Variants in CCSER1 observed in about 807,000 individuals in gnomAD.
CCSER1 encodes the protein coiled-coil serine rich protein 1.
Under a neutral mutation model 82.0 loss-of-function variants are expected in CCSER1, and 41 were observed. That is an observed-to-expected ratio of 0.50 (90% CI 0.39 to 0.65). CCSER1 has a LOEUF of 0.65. Ranked by LOEUF, CCSER1 falls within the 30% of genes least tolerant of loss-of-function variation. The pLI, the probability that CCSER1 is intolerant of heterozygous loss-of-function variation, is 0.00. For missense variants in CCSER1, 1,119 were observed against 1,064.2 expected, an observed-to-expected ratio of 1.05 and a Z score of -0.72; for synonymous variants, 414 against 383.9, an observed-to-expected ratio of 1.08 and a Z score of -0.92.
intron 5 of CCSER1, among the ~76,000 whole-genome samples, chr4:90,539,320 A>G (rs1030406743): frequency 3.3e-5 from 5 of 152,084 alleles, no homozygotes; most frequent in Non-Finnish European, 5.9e-5. Flanking sequence ...GTCCTAAGGA[A>G]GACAGGGATT....
At chr4:90,720,239 T>C (rs1412021412) in intron 6 of CCSER1, among the ~76,000 whole-genome samples, 1 of 151,922 alleles carries the variant, frequency 6.6e-6, no homozygotes, top group Non-Finnish European at 1.5e-5. Flanking sequence ...CTTGTCCCAT[T>C]CTGGACTTGG....
chr4:90,554,575 C>G (rs1777895828), intron 5 of CCSER1, among the ~76,000 whole-genome samples: 1 of 152,102 alleles, frequency 6.6e-6, no homozygotes, highest in African/African-American at 2.4e-5. Context: ...AAGGACAGCT[C>G]ATATATGAGA....
chr4:91,113,473 A>C (rs893291149), intron 10 of CCSER1, among the ~76,000 whole-genome samples: 2 of 152,240 alleles, frequency 1.3e-5, no homozygotes, highest in Non-Finnish European at 2.9e-5. Flanking sequence ...TTAGTAGGTC[A>C]TACAGCTAGT....
At chr4:91,031,346 C>T (rs899057652) in intron 9 of CCSER1, among the ~76,000 whole-genome samples, 1 of 152,050 alleles carries the variant, frequency 6.6e-6, no homozygotes, top group Non-Finnish European at 1.5e-5. Flanking sequence ...TGCTTTACTC[C>T]TAAATAGTAC....
chr4:90,239,816 T>G (rs999844459), intron 1 of CCSER1, among the ~76,000 whole-genome samples: 6 of 152,186 alleles, frequency 3.9e-5, no homozygotes, highest in Non-Finnish European at 8.8e-5. Context: ...AGCTTGTAAT[T>G]ATTTCCAAAT....
At chr4:90,557,912 A>G (rs1282482719) in intron 5 of CCSER1, among the ~76,000 whole-genome samples, 2 of 152,180 alleles carry the variant, frequency 1.3e-5, no homozygotes, top group East Asian at 3.8e-4. Context: ...GTTTTTAAAA[A>G]GTAGATGTTG....
intron 3 of CCSER1, among the ~76,000 whole-genome samples, chr4:90,319,384 G>A (rs1427314407): frequency 6.6e-6 from 1 of 152,132 alleles, no homozygotes; most frequent in Non-Finnish European, 1.5e-5. Context: ...GGGTGCAGTG[G>A]CTCAAATCTG....
At chr4:90,732,944 G>C (rs1328285054) in intron 7 of CCSER1, among the ~76,000 whole-genome samples, 2 of 152,062 alleles carry the variant, frequency 1.3e-5, no homozygotes, top group Non-Finnish European at 2.9e-5. Context: ...ATAGTCACTT[G>C]GATTATTTGC....
chr4:90,166,404 T>TA (rs1730459314), intron 1 of CCSER1, among the ~76,000 whole-genome samples: 2 of 152,002 alleles, frequency 1.3e-5, no homozygotes, highest in South Asian at 4.1e-4. Flanking sequence ...TGACATAGAG[T>TA]AAAAAAGTAG....
At chr4:90,399,949 A>AT in intron 3 of CCSER1, 87 bp from the exon 4 acceptor site, 1 of 645,530 alleles carries the variant, frequency 1.5e-6, no homozygotes, top group South Asian at 2.4e-5. Flanking sequence ...TTTGGAATTC[A>AT]TTTTTGCTTC....
At chr4:90,319,596 G>A (rs1419924683) in intron 3 of CCSER1, among the ~76,000 whole-genome samples, 2 of 152,042 alleles carry the variant, frequency 1.3e-5, no homozygotes, top group Non-Finnish European at 1.5e-5. Context: ...AGGTTGCAGT[G>A]AGCCGAGATC....
chr4:90,227,380 G>C (rs541925097), intron 1 of CCSER1, among the ~76,000 whole-genome samples: 1 of 152,098 alleles, frequency 6.6e-6, no homozygotes, highest in African/African-American at 2.4e-5. Flanking sequence ...GTTTTTTGCC[G>C]AATTGCAAAA....
At chr4:90,481,988 A>C (rs1000557463) in intron 5 of CCSER1, among the ~76,000 whole-genome samples, 1 of 152,152 alleles carries the variant, frequency 6.6e-6, no homozygotes, top group Non-Finnish European at 1.5e-5. Flanking sequence ...TCGGCTGTGA[A>C]TCCATCTGGT....
In CCSER1 at chr4:91,223,976, A is replaced by T. The variant is rs979724455; in HGVS notation, c.2217+137982A>T. ...AATTAATAGTAAGGTACCTTTTTAT[A>T]ACTAAAAGATTATTTCCAAACAATA... On this transcript the variant is annotated intron_variant, in intron 10 of 10. Coordinates refer to ENST00000509176, the MANE Select transcript of CCSER1 (RefSeq NM_001145065.2). Among the ~76,000 whole-genome samples, 4 of 152,064 alleles carry T rather than the reference A, an allele frequency of 2.6e-5. No individual in the cohort carries two copies. In the South Asian group the frequency reaches 8.3e-4, roughly 32 times the overall value.
chr4:91,366,108 T>C (rs1426515188), intron 10 of CCSER1, among the ~76,000 whole-genome samples: 1 of 152,136 alleles, frequency 6.6e-6, no homozygotes, highest in East Asian at 1.9e-4. Flanking sequence ...AACCTCCGCC[T>C]CCCAGGTTCA....
intron 5 of CCSER1, among the ~76,000 whole-genome samples, chr4:90,473,611 CT>C (rs1360559678): frequency 1.3e-5 from 2 of 152,140 alleles, no homozygotes; most frequent in African/African-American, 4.8e-5. Flanking sequence ...CTATTTTATT[CT>C]TAGAGGGTAC....
At chr4:90,397,595 C>T (rs1752167775) in intron 3 of CCSER1, among the ~76,000 whole-genome samples, 1 of 152,224 alleles carries the variant, frequency 6.6e-6, no homozygotes, top group Non-Finnish European at 1.5e-5. Flanking sequence ...ATCCATAGCC[C>T]CTGTGATGAC....
At chr4:90,263,866 G>A (rs1049870160) in intron 1 of CCSER1, among the ~76,000 whole-genome samples, 1 of 152,114 alleles carries the variant, frequency 6.6e-6, no homozygotes, top group African/African-American at 2.4e-5. Flanking sequence ...CTGTGCAGCA[G>A]ACTATTATAC....
At chr4:90,814,212 A>G (rs1343691754) in intron 7 of CCSER1, among the ~76,000 whole-genome samples, 1 of 152,186 alleles carries the variant, frequency 6.6e-6, no homozygotes, top group African/African-American at 2.4e-5. Flanking sequence ...GCAGGCTGCC[A>G]TGGCCCAAGG....
Sources: gnomAD v4.1 joint callset for allele counts (sites outside exome capture counted in the v4.1 genomes callset) on GRCh38, gnomAD v4.1.1 for gene constraint, MANE v1.5 for transcripts, NCBI Gene and HGNC (gene_info 2026-07-23, HGNC 2026-07-21) for gene names.